The following SAXO1 variants were observed in gnomAD, a reference collection of about 807,000 sequenced individuals.
SAXO1 encodes stabilizer of axonemal microtubules 1.
SAXO1 carries 21 observed loss-of-function variants against 17.5 expected under a neutral mutation model. The observed-to-expected ratio is 1.20, with a 90% CI of 0.85 to 1.72. The LOEUF (loss-of-function observed/expected upper bound fraction) is 1.72. Among genes scored for constraint, SAXO1 ranks in the 40% most tolerant of loss-of-function variants. The probability of loss-of-function intolerance (pLI) is 0.00; values close to 1 mark genes in which losing one functional copy is unlikely to be tolerated. For synonymous variants in SAXO1, 274 were observed against 216.5 expected, an observed-to-expected ratio of 1.27 and a Z score of -2.33; for missense variants, 843 against 596.0, an observed-to-expected ratio of 1.41 and a Z score of -4.32.
chr9:18,949,628 C>T (rs1225431926), intron 2 of SAXO1, among the ~76,000 whole-genome samples: 2 of 151,994 alleles, frequency 1.3e-5, no homozygotes, highest in African/African-American at 2.4e-5. Context: ...CTGGACTTCC[C>T]GTGGATCTAG....
At chr9:18,961,807 T>A (rs911508230) in intron 1 of SAXO1, among the ~76,000 whole-genome samples, 3 of 152,172 alleles carry the variant, frequency 2.0e-5, no homozygotes, top group Non-Finnish European at 2.9e-5. Flanking sequence ...TACGTGTGCA[T>A]GTGTCTTTAT....
chr9:18,946,202 G>A (rs1270506635), intron 2 of SAXO1, among the ~76,000 whole-genome samples: 2 of 150,072 alleles, frequency 1.3e-5, no homozygotes, highest in Non-Finnish European at 3.0e-5. Context: ...CTTGAACTCG[G>A]GAGGAGGAAG....
chr9:18,956,672 G>T (rs543034738), intron 1 of SAXO1, among the ~76,000 whole-genome samples: 8 of 152,246 alleles, frequency 5.3e-5, no homozygotes, highest in African/African-American at 1.7e-4. Context: ...TCTTTAATCT[G>T]CAGATAACAA....
intron 3 of SAXO1, among the ~76,000 whole-genome samples, chr9:18,930,078 A>C (rs1830973187): frequency 1.3e-5 from 2 of 152,234 alleles, no homozygotes; most frequent in Non-Finnish European, 2.9e-5. Context: ...TTTAAACCGT[A>C]TTGTTGTCTC....
In SAXO1 at chr9:19,046,935, C is replaced by T. The variant is rs543506661; in HGVS notation, c.-158+2274G>A. ...GGCGCAGTGGCGCATGCCTGTAACCCCAGCACTTTGGGAAGCTGAGGCGGG... is the reference window on the plus strand; with the variant it reads ...GGCGCAGTGGCGCATGCCTGTAACCTCAGCACTTTGGGAAGCTGAGGCGGG... On this transcript the variant is annotated intron_variant, in intron 1 of 3. Transcript: ENST00000542071. 9.2e-5 allele frequency among the ~76,000 whole-genome samples: 14 copies of T among 152,240 alleles called. No homozygotes were observed. The South Asian group carries it at 2.5e-3, about 27-fold the overall frequency.
At chr9:19,006,251 C>G (rs994658871) in intron 1 of SAXO1, among the ~76,000 whole-genome samples, 4 of 152,202 alleles carry the variant, frequency 2.6e-5, no homozygotes, top group Non-Finnish European at 4.4e-5. Flanking sequence ...ACCCTATGAT[C>G]CACCAATTCG....
chr9:18,985,391 C>T (rs11790123), intron 1 of SAXO1, among the ~76,000 whole-genome samples: 86,878 of 151,952 alleles, frequency 0.57, 25,117 homozygotes, highest in Non-Finnish European at 0.63. Context: ...CACAGGGTTA[C>T]CACAAACCTA....
At chr9:19,024,318 A>G (rs2131028823) in intron 1 of SAXO1, among the ~76,000 whole-genome samples, 1 of 151,608 alleles carries the variant, frequency 6.6e-6, no homozygotes, top group East Asian at 2.0e-4. Flanking sequence ...TAATCCTCAC[A>G]CCAACCTTAA....
At chr9:19,007,901 TACAAAG>T (rs1834549831) in intron 1 of SAXO1, among the ~76,000 whole-genome samples, 2 of 152,222 alleles carry the variant, frequency 1.3e-5, no homozygotes, top group African/African-American at 2.4e-5. Context: ...ACTTTTGTAC[TACAAAG>T]ACAGAGTTGA....
intron 1 of SAXO1, chr9:19,027,692 G>T: frequency 5.1e-6 from 7 of 1,360,756 alleles, no homozygotes; most frequent in East Asian, 2.3e-5. Flanking sequence ...CTTCACTGAT[G>T]AGCTGGATGC....
At chr9:18,987,577 G>C (rs965723180) in intron 1 of SAXO1, among the ~76,000 whole-genome samples, 4 of 152,150 alleles carry the variant, frequency 2.6e-5, no homozygotes, top group African/African-American at 9.7e-5. Flanking sequence ...GAGGGCAAGG[G>C]TGTGGGTAAG....
At chr9:19,046,727 A>C (rs1836226874) in intron 1 of SAXO1, among the ~76,000 whole-genome samples, 1 of 150,834 alleles carries the variant, frequency 6.6e-6, no homozygotes, top group Non-Finnish European at 1.5e-5. Context: ...AAAATTAAGC[A>C]TAGTGGCACA....
At chr9:19,034,207 T>C (rs1835873768), upstream of SAXO1, among the ~76,000 whole-genome samples, 1 of 152,190 alleles carries the variant, frequency 6.6e-6, no homozygotes, top group Non-Finnish European at 1.5e-5. Flanking sequence ...TTCATTTTAG[T>C]GAATGAGTCA....
chr9:19,039,772 A>C (rs937265146), intron 1 of SAXO1, among the ~76,000 whole-genome samples: 5 of 152,166 alleles, frequency 3.3e-5, no homozygotes, highest in African/African-American at 1.2e-4. Context: ...CTTGTCCCCC[A>C]GGCTGGAGTG....
intron 1 of SAXO1, among the ~76,000 whole-genome samples, chr9:18,990,345 G>A (rs1833767035): frequency 6.6e-6 from 1 of 151,992 alleles, no homozygotes. Context: ...CATGACAATG[G>A]GACAATTTTA....
intron 1 of SAXO1, among the ~76,000 whole-genome samples, chr9:18,968,744 C>T (rs965564496): frequency 1.3e-5 from 2 of 152,038 alleles, no homozygotes; most frequent in Non-Finnish European, 2.9e-5. Context: ...CAGGCACACG[C>T]CACTACACCT....
At chr9:18,967,671 C>A (rs1339573671) in intron 1 of SAXO1, among the ~76,000 whole-genome samples, 2 of 152,182 alleles carry the variant, frequency 1.3e-5, no homozygotes, top group Admixed American at 1.3e-4. Flanking sequence ...CGGATCTTAG[C>A]TTGTTGGGCT....
At chr9:18,959,763 CTCTG>C (rs999578865) in intron 1 of SAXO1, among the ~76,000 whole-genome samples, 15 of 146,596 alleles carry the variant, frequency 1.0e-4, no homozygotes, top group Admixed American at 2.7e-4. Flanking sequence ...AAGAGTGAAA[CTCTG>C]TCTAAGAAAA....
chr9:18,930,215 G>A (rs1830981998), intron 3 of SAXO1, among the ~76,000 whole-genome samples: 1 of 152,218 alleles, frequency 6.6e-6, no homozygotes, highest in African/African-American at 2.4e-5. Flanking sequence ...CAGAATGTTT[G>A]AAGAATGAGA....
Sources: allele counts gnomAD v4.1 joint callset (sites outside exome capture counted in the v4.1 genomes callset), GRCh38; gene constraint gnomAD v4.1.1; transcripts MANE v1.5; gene names NCBI Gene and HGNC (gene_info 2026-07-23, HGNC 2026-07-21).